Variants in LRP12 observed in about 807,000 individuals in gnomAD.
LRP12 encodes LDL receptor related protein 12.
LRP12 carries 14 observed loss-of-function variants against 66.0 expected under a neutral mutation model. That is an observed-to-expected ratio of 0.21 (90% CI 0.14 to 0.33). The LOEUF is 0.33. Among genes scored for constraint, LRP12 ranks in the 10% least tolerant of loss-of-function variants. The pLI is 1.00. For synonymous variants in LRP12, 357 were observed against 359.1 expected (o/e 0.99, Z 0.07); for missense variants, 889 against 1,053.4 (o/e 0.84, Z 2.16).
intron 1 of LRP12, among the ~76,000 whole-genome samples, chr8:104,576,999 A>T (rs1812174507): frequency 6.6e-6 from 1 of 152,210 alleles, no homozygotes; most frequent in Non-Finnish European, 1.5e-5. Context: ...GACAAAGAAG[A>T]ACATTACATA....
chr8:104,496,231 C>T (rs543386873), intron 5 of LRP12: 1 of 152,316 alleles, frequency 6.6e-6, no homozygotes, highest in African/African-American at 2.4e-5. Context: ...AACTCTACAA[C>T]AGGACATTAG....
intron 3 of LRP12, among the ~76,000 whole-genome samples, chr8:104,499,964 G>T (rs957964044): frequency 8.5e-5 from 13 of 152,140 alleles, no homozygotes; most frequent in Admixed American, 6.5e-4. Flanking sequence ...GTTTGCAGCT[G>T]ACATTCTTAG....
chr8:104,546,184 A>C (rs75427974), intron 1 of LRP12, among the ~76,000 whole-genome samples: 6,170 of 152,246 alleles, frequency 0.041, 190 homozygotes, highest in South Asian at 0.075. Context: ...ACTCTATTTT[A>C]TTAACAGTTG....
chr8:104,568,900 T>C (rs1196352342), intron 1 of LRP12, among the ~76,000 whole-genome samples: 1 of 152,162 alleles, frequency 6.6e-6, no homozygotes, highest in East Asian at 1.9e-4. Context: ...AATTACTATA[T>C]GAGTCAGTAA....
chr8:104,536,195 C>T (rs1306654925), intron 1 of LRP12, among the ~76,000 whole-genome samples: 5 of 152,070 alleles, frequency 3.3e-5, no homozygotes, highest in African/African-American at 1.2e-4. Context: ...GACCCACTTT[C>T]CCATTCTATC....
At chr8:104,498,317 C>A (rs1038244401) in intron 4 of LRP12, among the ~76,000 whole-genome samples, 5 of 152,130 alleles carry the variant, frequency 3.3e-5, no homozygotes, top group Non-Finnish European at 7.3e-5. Context: ...ACCCATCAAT[C>A]CATCACCTAG....
rs560767533 is a variant in LRP12 at position 104,588,976 on chromosome 8, C to T, written c.-79G>A. 3.1e-6 allele frequency: 2 copies of T among 648,512 alleles called. No individual in the cohort carries two copies. The highest frequency in any genetic ancestry group is 4.8e-6 in the Non-Finnish European group (2 of 418,438). 40.2% of individuals were successfully genotyped at this position (648,512 alleles called of 1,614,324 possible). ...CTGGAGGTAGACGACGCCGACGCCG[C>T]CGCCGCCGCCGCCGCCGCCGCCGAG... On this transcript the variant is annotated 5_prime_UTR_variant, in exon 1 of 7. Coordinates refer to ENST00000276654, the MANE Select transcript of LRP12 (RefSeq NM_013437.5).
chr8:104,583,545 T>C (rs1158097327), intron 1 of LRP12, among the ~76,000 whole-genome samples: 2 of 152,306 alleles, frequency 1.3e-5, no homozygotes, highest in Admixed American at 1.3e-4. Flanking sequence ...AGAGCACTTA[T>C]TACAACTTAT....
chr8:104,584,508 C>T (rs1436691647), intron 1 of LRP12, among the ~76,000 whole-genome samples: 3 of 152,066 alleles, frequency 2.0e-5, no homozygotes, highest in Non-Finnish European at 4.4e-5. Context: ...TCTTTAACTG[C>T]TGCTCACTTT....
chr8:104,568,490 T>A (rs1812036655), intron 1 of LRP12, among the ~76,000 whole-genome samples: 1 of 151,930 alleles, frequency 6.6e-6, no homozygotes. Context: ...AAGAACAAAC[T>A]ACAAAACAGG....
At chr8:104,548,301 A>T (rs868073033) in intron 1 of LRP12, among the ~76,000 whole-genome samples, 1 of 85,514 alleles carries the variant, frequency 1.2e-5, no homozygotes, top group African/African-American at 5.7e-5. Context: ...ATATTTATAT[A>T]ATATATATTA....
At chr8:104,575,085 G>A (rs1380857746) in intron 1 of LRP12, among the ~76,000 whole-genome samples, 1 of 152,186 alleles carries the variant, frequency 6.6e-6, no homozygotes, top group Non-Finnish European at 1.5e-5. Context: ...AACATGGTGT[G>A]GGAGAGGGGG....
chr8:104,526,419 TGAC>T (rs1448471407), intron 2 of LRP12, among the ~76,000 whole-genome samples: 1 of 150,868 alleles, frequency 6.6e-6, no homozygotes, highest in African/African-American at 2.4e-5. Flanking sequence ...TCACGCTACC[TGAC>T]TTCAAACTAT....
rs557441495 is a variant in LRP12, at chr8:104,497,879, G to A, written c.673C>T (p.Arg225Cys). 1.9e-5 allele frequency: 30 copies of A among 1,614,170 alleles called. No homozygotes were observed. The East Asian group carries it at 3.6e-4, about 19-fold the overall frequency. Reference protein sequence around the residue: ...CAYNQFQCLSRFTKVYTCLPE... With the variant: ...CAYNQFQCLSCFTKVYTCLPE... The stretch of plus-strand genomic sequence containing the variant: ...AGGCAAGTGTAAACTTTGGTAAAAC[G>A]GGATAAACACTGGAACTGGTTGTAA... Residue 225 changes from arginine (R) to cysteine (C), a missense_variant, in exon 5 of 7, where the codon CGT becomes TGT. Arg to Cys is a radical substitution (Grantham distance 180). Around this residue, in one of 3 missense-constraint regions of LRP12, gnomAD observed 800 missense variants for 964.5 expected, o/e 0.83. Transcript: ENST00000276654. This position sits in a 1 kb window ranked among gnomAD's most constrained non-coding sequence, Gnocchi z 4.3.
chr8:104,510,182 CTAAA>C (rs1170821865), intron 2 of LRP12, among the ~76,000 whole-genome samples: 1 of 152,128 alleles, frequency 6.6e-6, no homozygotes, highest in Non-Finnish European at 1.5e-5. Flanking sequence ...TTAGGGTACT[CTAAA>C]TAAGCCTAAC....
chr8:104,546,289 C>T (rs1811555166), intron 1 of LRP12, among the ~76,000 whole-genome samples: 1 of 152,050 alleles, frequency 6.6e-6, no homozygotes, highest in Admixed American at 6.6e-5. Context: ...CCATCAACTT[C>T]AAGGGTTTGA....
At chr8:104,491,975 T>C (rs1185363142) in intron 6 of LRP12, among the ~76,000 whole-genome samples, 1 of 141,052 alleles carries the variant, frequency 7.1e-6, no homozygotes, top group Non-Finnish European at 1.5e-5. Context: ...GACTTTTATC[T>C]TTTTTTTTTT....
At chr8:104,503,430 T>C (rs1222905368) in intron 3 of LRP12, among the ~76,000 whole-genome samples, 1 of 151,922 alleles carries the variant, frequency 6.6e-6, no homozygotes, top group Non-Finnish European at 1.5e-5. Context: ...CCTATTTTAG[T>C]TTGCTAATTC....
At chr8:104,496,068 A>G (rs964465687) in intron 5 of LRP12, 2 of 152,198 alleles carry the variant, frequency 1.3e-5, no homozygotes, top group Non-Finnish European at 2.9e-5. Flanking sequence ...CTGGGACTGA[A>G]GGTCATTGTC....
Sources: allele counts gnomAD v4.1 joint callset (sites outside exome capture counted in the v4.1 genomes callset), GRCh38; gene constraint gnomAD v4.1.1; regional missense constraint gnomAD v4.1.1; non-coding constraint Gnocchi (gnomAD v3.1); transcripts MANE v1.5; gene names NCBI Gene and HGNC (gene_info 2026-07-23, HGNC 2026-07-21).